Variants in ADGB observed in about 807,000 individuals in gnomAD.
ADGB encodes the protein androglobin.
Under a neutral mutation model 210.5 loss-of-function variants are expected in ADGB, and 172 were observed. That is an observed-to-expected ratio of 0.82 (90% CI 0.72 to 0.93). ADGB has a LOEUF of 0.93. Among genes scored for constraint, ADGB ranks in the 40% least tolerant of loss-of-function variants. The pLI, the probability that ADGB is intolerant of heterozygous loss-of-function variation, is 0.00. For missense variants in ADGB, 2,025 were observed against 1,964.8 expected (o/e 1.03, Z -0.58); for synonymous variants, 658 against 662.7 (o/e 0.99, Z 0.11).
intron 12 of ADGB, among the ~76,000 whole-genome samples, chr6:146,698,744 G>GGTTTT (rs879416943): frequency 6.6e-6 from 1 of 151,854 alleles, no homozygotes; most frequent in Non-Finnish European, 1.5e-5. Flanking sequence ...AAACTTTTGG[G>GGTTTT]GTTTTGTTTT....
At chr6:146,811,509 CATT>C (rs1454193857) in intron 35 of ADGB, among the ~76,000 whole-genome samples, 1 of 149,854 alleles carries the variant, frequency 6.7e-6, no homozygotes, top group Non-Finnish European at 1.5e-5. Context: ...CAAGTAGTAA[CATT>C]ATTATATATT....
At chr6:146,773,026 CAG>C (rs1777674127) in intron 29 of ADGB, among the ~76,000 whole-genome samples, 1 of 151,962 alleles carries the variant, frequency 6.6e-6, no homozygotes, top group African/African-American at 2.4e-5. Flanking sequence ...TGATTCCTGC[CAG>C]AGAGCACAAC....
chr6:146,780,071 A>T (rs1455194740), intron 29 of ADGB, among the ~76,000 whole-genome samples: 2 of 152,072 alleles, frequency 1.3e-5, no homozygotes, highest in East Asian at 3.8e-4. Context: ...ATGTATAAAG[A>T]TGAAATTTGT....
intron 3 of ADGB, among the ~76,000 whole-genome samples, chr6:146,653,168 G>T (rs545132505): frequency 5.8e-4 from 88 of 152,098 alleles, no homozygotes; most frequent in African/African-American, 1.9e-3. Context: ...CTGATGATCT[G>T]TCACTGTCTC....
chr6:146,647,484 A>G (rs1775636617), intron 3 of ADGB, among the ~76,000 whole-genome samples: 2 of 152,092 alleles, frequency 1.3e-5, no homozygotes. Context: ...GGTTATGAGT[A>G]TAGTAGGGGA....
intron 1 of ADGB, among the ~76,000 whole-genome samples, chr6:146,604,079 T>C (rs1780598956): frequency 6.6e-6 from 1 of 152,222 alleles, no homozygotes; most frequent in African/African-American, 2.4e-5. Context: ...CAGCTGAGTC[T>C]TGTGATTTCC....
At chr6:146,756,727 A>C (rs1777411135) in intron 27 of ADGB, among the ~76,000 whole-genome samples, 1 of 151,382 alleles carries the variant, frequency 6.6e-6, no homozygotes, top group African/African-American at 2.4e-5. Context: ...CATGTTCATC[A>C]TCATTTTGTT....
At chr6:146,756,743 AT>A (rs984400287) in intron 27 of ADGB, among the ~76,000 whole-genome samples, 256 of 146,506 alleles carry the variant, frequency 1.7e-3, no homozygotes, top group African/African-American at 5.1e-3. Flanking sequence ...TTGTTCCTAA[AT>A]TTTTTTTTTT....
chr6:146,651,399 A>G (rs1775700404), intron 3 of ADGB, among the ~76,000 whole-genome samples: 2 of 152,220 alleles, frequency 1.3e-5, no homozygotes, highest in Non-Finnish European at 2.9e-5. Context: ...AACACGAGAA[A>G]CAAGATGTGG....
intron 13 of ADGB, among the ~76,000 whole-genome samples, chr6:146,707,094 A>G (rs1578421): frequency 0.23 from 35,644 of 151,912 alleles, 4,797 homozygotes; most frequent in African/African-American, 0.38. Context: ...TTTCCTTCTT[A>G]ATATCTCATT....
In ADGB at chr6:146,741,260, A is replaced by G. The variant is rs765336090; in HGVS notation, c.3166A>G (p.Thr1056Ala). The part of the protein sequence containing the change: ...VFQKVVPYLY[T>A]KNKKGYTFVA... ...CCAAAAAGTGGTGCCTTATCTTTATACCAAGAATAAGGTAGGTATAAAATT... is the reference window on the plus strand; with the variant it reads ...CCAAAAAGTGGTGCCTTATCTTTATGCCAAGAATAAGGTAGGTATAAAATT... The change falls in exon 25 of 36, where the codon ACC (threonine) becomes GCC (alanine). Residue 1056 changes from threonine to alanine, a missense_variant. Coordinates refer to ENST00000397944, the MANE Select transcript of ADGB (RefSeq NM_024694.4). 7.8e-5 allele frequency: 121 copies of G among 1,550,474 alleles called. No individual in the cohort carries two copies. Among genetic ancestry groups the G allele is most frequent in the Non-Finnish European group, 1.0e-4 (116 of 1,146,456 alleles).
intron 22 of ADGB, among the ~76,000 whole-genome samples, chr6:146,735,419 G>A (rs191867394): frequency 7.2e-4 from 109 of 152,182 alleles, no homozygotes; most frequent in African/African-American, 2.4e-3. Flanking sequence ...GATAAAGGAG[G>A]GATAGAGAGA....
At chr6:146,799,004 C>T (rs1048502427) in intron 33 of ADGB, among the ~76,000 whole-genome samples, 42 of 121,410 alleles carry the variant, frequency 3.5e-4, no homozygotes, top group Admixed American at 3.3e-3. Flanking sequence ...ATCAAAATCA[C>T]AGTAGACATT....
At chr6:146,701,094 G>A in intron 13 of ADGB, 24 bp downstream of exon 13, 1 of 1,546,304 alleles carries the variant, frequency 6.5e-7, no homozygotes, top group South Asian at 1.2e-5. Context: ...TCTTACTGTT[G>A]GCCCAACTCT....
At chr6:146,778,628 A>G (rs914063432) in intron 29 of ADGB, among the ~76,000 whole-genome samples, 1 of 152,072 alleles carries the variant, frequency 6.6e-6, no homozygotes, top group Admixed American at 6.6e-5. Context: ...AAATCAGTCA[A>G]TATTCATTTT....
chr6:146,607,727 C>T lies in ADGB; in HGVS notation c.74+8613C>T, dbSNP rs183694199. ...TGCTTTTGTTGAACCAACCTTGCAT[C>T]CCATGAATAATGCCTACTTTATTGT... On this transcript the variant is annotated intron_variant, in intron 1 of 35. Coordinates refer to ENST00000397944, the MANE Select transcript of ADGB (RefSeq NM_024694.4). Among the ~76,000 whole-genome samples, 3 of 152,234 alleles carry T rather than the reference C, an allele frequency of 2.0e-5. No individual in the cohort carries two copies. In the East Asian group the frequency reaches 5.8e-4, roughly 29 times the overall value.
At chr6:146,691,076 A>G (rs746074381) in intron 10 of ADGB, 40 bp from the exon 11 acceptor site, 59 of 1,471,332 alleles carry the variant, frequency 4.0e-5, no homozygotes, top group Non-Finnish European at 5.0e-5. Context: ...ATTGTTTTGA[A>G]TGAAGGAGAA....
In ADGB at chr6:146,740,606, T is replaced by C. The variant is rs376537238; in HGVS notation, c.3023+13T>C. On this transcript the variant is annotated intron_variant, in intron 24 of 35. Coordinates refer to ENST00000397944, the MANE Select transcript of ADGB (RefSeq NM_024694.4). Reference sequence around the variant, plus strand: ...TTATAGTATTCAGGTGAGGTTGTTATATAGTGACAAATATGTCTCTAAATG... The same window carrying C: ...TTATAGTATTCAGGTGAGGTTGTTACATAGTGACAAATATGTCTCTAAATG... 4.6e-4 allele frequency: 706 copies of C among 1,548,136 alleles called. 1 individual carries two copies. In the African/African-American group the frequency reaches 7.7e-3, roughly 17 times the overall value.
At chr6:146,772,099 A>C (rs1442743921) in intron 29 of ADGB, among the ~76,000 whole-genome samples, 1 of 152,180 alleles carries the variant, frequency 6.6e-6, no homozygotes, top group Non-Finnish European at 1.5e-5. Context: ...ACCCAGATCC[A>C]TATGACAGAA....
Sources: gnomAD v4.1 joint callset for allele counts (sites outside exome capture counted in the v4.1 genomes callset) on GRCh38, gnomAD v4.1.1 for gene constraint, MANE v1.5 for transcripts, NCBI Gene and HGNC (gene_info 2026-07-23, HGNC 2026-07-21) for gene names.